The following GPHN variants were observed in gnomAD, a reference collection of about 807,000 sequenced individuals.
GPHN encodes gephyrin.
In GPHN, 17 loss-of-function variants were observed where a neutral mutation model predicts 95.5. The ratio of observed to expected loss-of-function variants is 0.18; its 90% CI spans 0.12 to 0.27. GPHN has a LOEUF of 0.27. GPHN is among the 10% of genes least tolerant of loss of function. The pLI is 1.00. For missense variants in GPHN, 660 were observed against 978.1 expected, an observed-to-expected ratio of 0.67 and a Z score of 4.34; for synonymous variants, 320 against 322.5, an observed-to-expected ratio of 0.99 and a Z score of 0.08.
the GPHN span, among the ~76,000 whole-genome samples, chr14:67,329,438 C>G: frequency 6.6e-6 from 1 of 152,166 alleles, no homozygotes; most frequent in Admixed American, 6.5e-5. Flanking sequence ...GATAATTCGA[C>G]TTCCTCTTTT....
intron 1 of GPHN, among the ~76,000 whole-genome samples, chr14:66,617,488 G>C (rs1286865336): frequency 6.6e-6 from 1 of 152,284 alleles, no homozygotes; most frequent in East Asian, 1.9e-4. Context: ...TCTCAGGTGG[G>C]CTGCCATACC....
At chr14:67,364,581 A>T in the GPHN span, 1 of 549,894 alleles carries the variant, frequency 1.8e-6, no homozygotes, top group Non-Finnish European at 3.1e-6. Context: ...AATAAAAATT[A>T]AAGCTTGGTT....
the GPHN span, among the ~76,000 whole-genome samples, chr14:67,706,859 C>A: frequency 1.3e-5 from 2 of 152,096 alleles, no homozygotes; most frequent in Non-Finnish European, 2.9e-5. Flanking sequence ...TAGGATGGTT[C>A]GTTCCTAGAC....
At chr14:67,461,715 G>A in the GPHN span, among the ~76,000 whole-genome samples, 1 of 152,330 alleles carries the variant, frequency 6.6e-6, no homozygotes, top group East Asian at 1.9e-4. Flanking sequence ...GCTGCTCAGG[G>A]CACATGCAAA....
At chr14:67,425,429 G>C in the GPHN span, among the ~76,000 whole-genome samples, 1,673 of 152,052 alleles carry the variant, frequency 0.011, 17 homozygotes, top group Non-Finnish European at 0.017. Flanking sequence ...TATAGTCCCA[G>C]CTACTCCAGA....
At chr14:67,399,605 T>C in the GPHN span, among the ~76,000 whole-genome samples, 7 of 132,838 alleles carry the variant, frequency 5.3e-5, no homozygotes, top group African/African-American at 1.8e-4. Context: ...GTTTAGGTGG[T>C]TCTCAGGTGG....
the GPHN span, chr14:67,592,261 C>A: frequency 2.6e-6 from 1 of 390,738 alleles, no homozygotes; most frequent in Admixed American, 3.1e-5. Flanking sequence ...ATGGCAAGAC[C>A]TCATCTCTAC....
At chr14:67,479,418 A>AT in the GPHN span, among the ~76,000 whole-genome samples, 4 of 150,846 alleles carry the variant, frequency 2.7e-5, no homozygotes, top group African/African-American at 9.8e-5. Flanking sequence ...CTCAAAAAAA[A>AT]AAAAAAATGC....
At position 66,801,360 on chromosome 14, in the gene GPHN, T is replaced by C. The variant is rs149680775; in HGVS notation, c.202-23114T>C. Among the ~76,000 whole-genome samples, 516 of 152,314 alleles carry C rather than the reference T, an allele frequency of 3.4e-3. 2 individuals carry two copies. Among genetic ancestry groups the C allele is most frequent in the African/African-American group, 0.012 (494 of 41,574 alleles). On this transcript the variant is annotated intron_variant, in intron 3 of 22. Transcript: ENST00000478722. ...CTTCTTGGGAAGGCTTTCCAAATAT[T>C]ATGAAAGGACCTGAGTGTTATAAGC...
intron 1 of GPHN, among the ~76,000 whole-genome samples, chr14:66,588,222 A>C (rs1378610235): frequency 1.3e-5 from 2 of 152,074 alleles, no homozygotes; most frequent in Middle Eastern, 3.2e-3. Context: ...CCACCAAGAG[A>C]CCCCATCCTA....
At chr14:67,620,677 C>A in the GPHN span, among the ~76,000 whole-genome samples, 1 of 152,148 alleles carries the variant, frequency 6.6e-6, no homozygotes, top group East Asian at 1.9e-4. Context: ...CAGCCCCACA[C>A]ACGCCTAGCT....
the GPHN span, among the ~76,000 whole-genome samples, chr14:67,366,225 C>G: frequency 6.6e-6 from 1 of 152,022 alleles, no homozygotes; most frequent in Non-Finnish European, 1.5e-5. Context: ...GAACTACAGG[C>G]ATGTGCCACC....
At chr14:67,678,439 A>T in the GPHN span, 1 of 1,553,728 alleles carries the variant, frequency 6.4e-7, no homozygotes, top group Non-Finnish European at 8.9e-7. Context: ...AGGTAAAGAG[A>T]AAGGTATGAA....
the GPHN span, among the ~76,000 whole-genome samples, chr14:67,530,214 C>G: frequency 6.6e-6 from 1 of 152,194 alleles, no homozygotes; most frequent in East Asian, 1.9e-4. Context: ...ATTTATAGAT[C>G]ACTTGCTGCA....
the GPHN span, among the ~76,000 whole-genome samples, chr14:67,409,597 C>A: frequency 3.9e-5 from 6 of 152,134 alleles, no homozygotes; most frequent in Non-Finnish European, 7.4e-5. Context: ...ACTTCCCTCT[C>A]CCCACTCCCC....
Position 66,924,195 on chromosome 14 carries a change from A to C in GPHN, c.731A>C (p.Lys244Thr), listed in dbSNP as rs766600695. The C allele has an allele frequency of 6.4e-7, 1 of 1,564,500 alleles. No homozygotes were observed. The highest frequency in any genetic ancestry group is 1.1e-5 in the South Asian group (1 of 90,102). The part of the protein sequence containing the change: ...HITAAAIAAK[K>T]HPFYTSPAVV... ...TAGTTGTTATGTGTTGTGCATTAGA[A>C]GCATCCATTCTACACCAGTCCTGCT... The change falls in exon 8 of 23, where the codon AAG (lysine) becomes ACG (threonine). Residue 244 changes from lysine to threonine, a missense_variant and splice_region_variant. Physicochemically the swap from Lys to Thr is moderately conservative, Grantham distance 78. This residue lies in a region of GPHN where 190 missense variants were observed against 224.7 expected (regional missense o/e 0.85). Coordinates refer to ENST00000478722, the MANE Select transcript of GPHN (RefSeq NM_020806.5).
chr14:67,144,753 G>A (rs1056607988), intron 18 of GPHN, among the ~76,000 whole-genome samples: 2 of 152,088 alleles, frequency 1.3e-5, no homozygotes, highest in African/African-American at 4.8e-5. Context: ...CTGTTGGCTC[G>A]GAGAACAAAT....
the GPHN span, among the ~76,000 whole-genome samples, chr14:67,475,542 C>T: frequency 6.6e-6 from 1 of 152,216 alleles, no homozygotes; most frequent in Admixed American, 6.5e-5. Flanking sequence ...TCCACATCCA[C>T]CCCAAACACT....
At chr14:67,458,128 G>A in the GPHN span, among the ~76,000 whole-genome samples, 5 of 152,168 alleles carry the variant, frequency 3.3e-5, no homozygotes, top group African/African-American at 4.8e-5. Flanking sequence ...CCTTTTCCTC[G>A]CTCACCCGTC....
Sources: allele counts gnomAD v4.1 joint callset (sites outside exome capture counted in the v4.1 genomes callset), GRCh38; gene constraint gnomAD v4.1.1; regional missense constraint gnomAD v4.1.1; transcripts MANE v1.5; gene names NCBI Gene and HGNC (gene_info 2026-07-23, HGNC 2026-07-21).